RANBP2: variants seen among roughly 807,000 people sequenced by gnomAD.
RANBP2 encodes the protein E3 SUMO-protein ligase RanBP2.
Under a neutral mutation model 303.6 loss-of-function variants are expected in RANBP2, and 57 were observed. The ratio of observed to expected loss-of-function variants is 0.19; its 90% CI spans 0.15 to 0.23. The LOEUF (loss-of-function observed/expected upper bound fraction) is 0.23, where lower values mean the gene tolerates loss of function less well. Ranked by LOEUF, RANBP2 falls within the 10% of genes least tolerant of loss-of-function variation. The probability of loss-of-function intolerance (pLI) is 1.00; values close to 1 mark genes in which losing one functional copy is unlikely to be tolerated. For synonymous variants in RANBP2, 1,167 were observed against 1,301.5 expected (o/e 0.90, Z 2.23); for missense variants, 3,138 against 3,780.8 (o/e 0.83, Z 4.46).
At chr2:108,907,934 A>G in the RANBP2 span, 1 of 1,613,572 alleles carries the variant, frequency 6.2e-7, no homozygotes, top group East Asian at 2.2e-5. Context: ...AGCTCCGGGG[A>G]GCCCTGCTTG....
chr2:109,794,857 C>G, the RANBP2 span: 1 of 140,750 alleles, frequency 7.1e-6, no homozygotes, highest in Non-Finnish European at 8.6e-6. Context: ...CTGGGCCCGT[C>G]CTGGCCCGGG....
chr2:109,660,806 T>G, the RANBP2 span, among the ~76,000 whole-genome samples: 1 of 152,214 alleles, frequency 6.6e-6, no homozygotes, highest in Non-Finnish European at 1.5e-5. Context: ...TGGGTTAAGG[T>G]GTCAGTTTCC....
the RANBP2 span, among the ~76,000 whole-genome samples, chr2:109,649,187 G>T: frequency 6.6e-6 from 1 of 152,174 alleles, no homozygotes; most frequent in East Asian, 1.9e-4. Flanking sequence ...TAAAGAATGA[G>T]AAAAAGCAAG....
At chr2:109,508,189 A>G in the RANBP2 span, among the ~76,000 whole-genome samples, 20 of 152,294 alleles carry the variant, frequency 1.3e-4, no homozygotes, top group East Asian at 3.9e-3. Context: ...GGGCCCAGCC[A>G]AAACCCTGGC....
At chr2:108,869,798 G>C in the RANBP2 span, among the ~76,000 whole-genome samples, 1 of 152,142 alleles carries the variant, frequency 6.6e-6, no homozygotes, top group African/African-American at 2.4e-5. Flanking sequence ...TCAGGTGCTT[G>C]ATAAGTAGTG....
At chr2:108,809,475 TGTGTG>T in the RANBP2 span, among the ~76,000 whole-genome samples, 1 of 151,954 alleles carries the variant, frequency 6.6e-6, no homozygotes, top group African/African-American at 2.4e-5. Context: ...TGTGTGTGTG[TGTGTG>T]TGTGTGTGAT....
At chr2:109,188,641 C>CTGCATGCCGAGGGCTGGAA in the RANBP2 span, among the ~76,000 whole-genome samples, 6 of 152,198 alleles carry the variant, frequency 3.9e-5, no homozygotes, top group Non-Finnish European at 7.3e-5. Context: ...TCCACCTGGG[C>CTGCATGCCGAGGGCTGGAA]TGCATGCCGA....
the RANBP2 span, among the ~76,000 whole-genome samples, chr2:109,537,015 G>A: frequency 1.9e-3 from 287 of 152,282 alleles, 1 homozygote; most frequent in South Asian, 0.022. Flanking sequence ...CCCAGTCTCG[G>A]GTATGTCCTT....
chr2:109,293,443 C>T, the RANBP2 span, among the ~76,000 whole-genome samples: 19 of 152,200 alleles, frequency 1.2e-4, no homozygotes, highest in South Asian at 1.0e-3. Context: ...CAGGCTACCC[C>T]AGTGGTGACC....
intron 7 of RANBP2, among the ~76,000 whole-genome samples, chr2:108,743,878 T>C (rs1017051016): frequency 3.3e-5 from 5 of 152,266 alleles, no homozygotes; most frequent in Non-Finnish European, 7.3e-5. Context: ...GAATATATAA[T>C]AGAAACATCT....
chr2:109,399,079 G>T, the RANBP2 span: 3 of 1,037,950 alleles, frequency 2.9e-6, no homozygotes, highest in East Asian at 2.6e-5. Flanking sequence ...AGTGGGGTTT[G>T]CCCTTTGCTG....
the RANBP2 span, among the ~76,000 whole-genome samples, chr2:108,973,544 A>G: frequency 2.0e-4 from 30 of 152,262 alleles, no homozygotes; most frequent in Non-Finnish European, 3.5e-4. Flanking sequence ...ACTGCCATGG[A>G]CATTTCCAGC....
the RANBP2 span, among the ~76,000 whole-genome samples, chr2:109,721,735 C>G: frequency 6.6e-6 from 1 of 152,214 alleles, no homozygotes; most frequent in African/African-American, 2.4e-5. Context: ...ACCCTCAGCC[C>G]TAGGTGCTGG....
chr2:108,962,671 T>G, the RANBP2 span, among the ~76,000 whole-genome samples: 1 of 73,264 alleles, frequency 1.4e-5, no homozygotes, highest in Non-Finnish European at 2.8e-5. Context: ...CGAGACTCTG[T>G]CTCAAAAAAA....
chr2:108,786,805 G>T, downstream of RANBP2: 1 of 1,577,656 alleles, frequency 6.3e-7, no homozygotes, highest in Non-Finnish European at 8.6e-7. Context: ...GGGGAGACTG[G>T]TACGGTTGCT....
the RANBP2 span, among the ~76,000 whole-genome samples, chr2:109,157,313 CT>C: frequency 6.6e-6 from 1 of 152,206 alleles, no homozygotes; most frequent in Non-Finnish European, 1.5e-5. Context: ...TTCACAGCAC[CT>C]TTTTAAAAAC....
At chr2:108,795,117 A>G in the RANBP2 span, among the ~76,000 whole-genome samples, 3 of 130,746 alleles carry the variant, frequency 2.3e-5, no homozygotes, top group African/African-American at 8.5e-5. Context: ...TTTGCTTATT[A>G]TCTGCCTTTC....
the RANBP2 span, among the ~76,000 whole-genome samples, chr2:109,137,121 G>C: frequency 6.6e-6 from 1 of 152,188 alleles, no homozygotes; most frequent in South Asian, 2.1e-4. Context: ...ATGCTGCAGA[G>C]GAAAACATGT....
At chr2:109,184,096 G>A in the RANBP2 span, among the ~76,000 whole-genome samples, 4 of 152,220 alleles carry the variant, frequency 2.6e-5, no homozygotes, top group Non-Finnish European at 5.9e-5. Context: ...AGCCCATGTG[G>A]TGGTTCCATG....
Sources: gnomAD v4.1 joint callset for allele counts (sites outside exome capture counted in the v4.1 genomes callset) on GRCh38, gnomAD v4.1.1 for gene constraint, MANE v1.5 for transcripts, NCBI Gene and HGNC (gene_info 2026-07-23, HGNC 2026-07-21) for gene names.